The following NELL1 variants were observed in gnomAD, a reference collection of about 807,000 sequenced individuals.
NELL1 encodes the protein neural EGFL like 1.
Under a neutral mutation model 107.4 loss-of-function variants are expected in NELL1, and 76 were observed. The ratio of observed to expected loss-of-function variants is 0.71; its 90% CI spans 0.59 to 0.86. The LOEUF (loss-of-function observed/expected upper bound fraction) is 0.86. Among genes scored for constraint, NELL1 ranks in the 40% least tolerant of loss-of-function variants. The probability of loss-of-function intolerance (pLI) is 0.00; values close to 1 mark genes in which losing one functional copy is unlikely to be tolerated. For missense variants in NELL1, 1,024 were observed against 1,005.5 expected (o/e 1.02, Z -0.25); for synonymous variants, 353 against 341.2 (o/e 1.03, Z -0.38).
At chr11:21,137,535 C>T (rs1280823778) in intron 13 of NELL1, among the ~76,000 whole-genome samples, 3 of 151,982 alleles carry the variant, frequency 2.0e-5, no homozygotes, top group Non-Finnish European at 2.9e-5. Context: ...AGTTGGATAG[C>T]GGGTAGAATT....
intron 12 of NELL1, among the ~76,000 whole-genome samples, chr11:21,000,604 A>G (rs1852195705): frequency 6.6e-6 from 1 of 152,190 alleles, no homozygotes; most frequent in Non-Finnish European, 1.5e-5. Flanking sequence ...CTCCATGGAA[A>G]AGAGTGATAT....
intron 12 of NELL1, among the ~76,000 whole-genome samples, chr11:21,058,778 G>A (rs760806651): frequency 3.3e-5 from 5 of 152,148 alleles, no homozygotes; most frequent in African/African-American, 4.8e-5. Flanking sequence ...TTATGGAAAT[G>A]TGACATCTAA....
chr11:20,919,932 G>A (rs775486901), intron 7 of NELL1, among the ~76,000 whole-genome samples: 13 of 152,026 alleles, frequency 8.6e-5, no homozygotes, highest in Non-Finnish European at 1.9e-4. Context: ...AGGACCTGCC[G>A]TTTGCTGGGC....
At chr11:20,794,840 T>A (rs533812786) in intron 3 of NELL1, among the ~76,000 whole-genome samples, 78 of 152,056 alleles carry the variant, frequency 5.1e-4, no homozygotes, top group Non-Finnish European at 9.3e-4. Flanking sequence ...AACCTGGTAA[T>A]GTTCGATTTT....
intron 4 of NELL1, among the ~76,000 whole-genome samples, chr11:20,848,781 C>T (rs12291894): frequency 0.033 from 5,032 of 152,240 alleles, 94 homozygotes; most frequent in Middle Eastern, 0.061. Context: ...AATATGCCTG[C>T]CACTCTAGCT....
intron 16 of NELL1, among the ~76,000 whole-genome samples, chr11:21,554,026 G>T (rs1047591886): frequency 6.6e-6 from 1 of 151,776 alleles, no homozygotes; most frequent in African/African-American, 2.4e-5. Flanking sequence ...CATATAAATC[G>T]TGGGTTGTTG....
At chr11:20,967,348 A>AT (rs1185775848) in intron 12 of NELL1, among the ~76,000 whole-genome samples, 2 of 151,284 alleles carry the variant, frequency 1.3e-5, no homozygotes, top group South Asian at 2.1e-4. Flanking sequence ...TTTTTTTTAC[A>AT]TTTTTTACAT....
At chr11:21,569,529 G>A (rs1857051729) in intron 17 of NELL1, among the ~76,000 whole-genome samples, 1 of 151,790 alleles carries the variant, frequency 6.6e-6, no homozygotes, top group South Asian at 2.1e-4. Flanking sequence ...AGGCAACTAT[G>A]ACAGTGAAAG....
intron 12 of NELL1, among the ~76,000 whole-genome samples, chr11:21,090,815 A>G (rs1008455905): frequency 1.3e-5 from 2 of 152,194 alleles, no homozygotes; most frequent in African/African-American, 2.4e-5. Flanking sequence ...TAGGACATAT[A>G]TGATTTTTCT....
intron 12 of NELL1, among the ~76,000 whole-genome samples, chr11:21,062,073 A>G: frequency 6.6e-6 from 1 of 152,180 alleles, no homozygotes; most frequent in East Asian, 1.9e-4. Flanking sequence ...AGAACTATGC[A>G]TCCAATATGG....
At chr11:21,416,482 G>A (rs1308103618) in intron 15 of NELL1, among the ~76,000 whole-genome samples, 1 of 152,022 alleles carries the variant, frequency 6.6e-6, no homozygotes, top group Admixed American at 6.6e-5. Context: ...AGAAAGAAAT[G>A]GGGAAATGTT....
chr11:21,372,155 C>T (rs752053722), intron 15 of NELL1, among the ~76,000 whole-genome samples: 25 of 151,786 alleles, frequency 1.6e-4, no homozygotes, highest in South Asian at 8.3e-4. Flanking sequence ...ACTACCTTTG[C>T]GCAGCGCAAG....
chr11:20,970,524 A>G (rs1252011659), intron 12 of NELL1, among the ~76,000 whole-genome samples: 1 of 152,182 alleles, frequency 6.6e-6, no homozygotes, highest in Non-Finnish European at 1.5e-5. Context: ...GTAGGAATAC[A>G]ATGGTGAGAG....
At chr11:20,865,518 C>T (rs1032999849) in intron 4 of NELL1, among the ~76,000 whole-genome samples, 8 of 152,164 alleles carry the variant, frequency 5.3e-5, no homozygotes, top group Admixed American at 3.9e-4. Context: ...AGCAGGCTGA[C>T]CTGCATGGGC....
intron 12 of NELL1, among the ~76,000 whole-genome samples, chr11:20,997,972 T>TAAAC (rs202246529): frequency 2.0e-5 from 3 of 152,028 alleles, no homozygotes; most frequent in East Asian, 1.9e-4. Flanking sequence ...ACCCTATCTC[T>TAAAC]AAACAAACAA....
chr11:21,342,037 C>G (rs539346635), intron 14 of NELL1, among the ~76,000 whole-genome samples: 1 of 152,108 alleles, frequency 6.6e-6, no homozygotes. Context: ...AATGAGTTGT[C>G]GATAGCAATA....
At chr11:21,553,340 C>T (rs1173884485) in intron 16 of NELL1, among the ~76,000 whole-genome samples, 3 of 151,790 alleles carry the variant, frequency 2.0e-5, no homozygotes, top group African/African-American at 7.2e-5. Context: ...CTCTCATTGG[C>T]ACTTGCTTGT....
intron 14 of NELL1, among the ~76,000 whole-genome samples, chr11:21,327,162 GT>G (rs369129791): frequency 0.31 from 30,373 of 96,806 alleles, 5,739 homozygotes; most frequent in Admixed American, 0.43. Context: ...GAGATCTGAT[GT>G]TTTTTTTTTT....
At chr11:21,275,360 A>T (rs903886657) in intron 14 of NELL1, among the ~76,000 whole-genome samples, 1 of 152,214 alleles carries the variant, frequency 6.6e-6, no homozygotes, top group African/African-American at 2.4e-5. Flanking sequence ...GAAGAAGTTG[A>T]ATCTCTGAAT....
Sources: gnomAD v4.1 joint callset for allele counts (sites outside exome capture counted in the v4.1 genomes callset) on GRCh38, gnomAD v4.1.1 for gene constraint, MANE v1.5 for transcripts, NCBI Gene and HGNC (gene_info 2026-07-23, HGNC 2026-07-21) for gene names.